The following HCN1 variants were observed in gnomAD, a reference collection of about 807,000 sequenced individuals.
The protein encoded by HCN1 is potassium/sodium hyperpolarization-activated cyclic nucleotide-gated channel 1.
A neutral mutation model predicts 78.9 loss-of-function variants in HCN1; 13 were observed. That is an observed-to-expected ratio of 0.16 (90% CI 0.11 to 0.26). The LOEUF (loss-of-function observed/expected upper bound fraction) is 0.26, where lower values mean the gene tolerates loss of function less well. Ranked by LOEUF, HCN1 falls within the 10% of genes least tolerant of loss-of-function variation. The pLI, the probability that HCN1 is intolerant of heterozygous loss-of-function variation, is 1.00. For synonymous variants in HCN1, 552 were observed against 455.5 expected, an observed-to-expected ratio of 1.21 and a Z score of -2.70; for missense variants, 810 against 1,154.3, an observed-to-expected ratio of 0.70 and a Z score of 4.32.
intron 2 of HCN1, among the ~76,000 whole-genome samples, chr5:45,494,528 A>G (rs1741977948): frequency 1.3e-5 from 2 of 151,528 alleles, no homozygotes; most frequent in African/African-American, 4.9e-5. Flanking sequence ...AGGTTGCGAA[A>G]ATTTTCTCCC....
At chr5:45,560,465 C>A (rs1743574587) in intron 2 of HCN1, among the ~76,000 whole-genome samples, 1 of 152,026 alleles carries the variant, frequency 6.6e-6, no homozygotes, top group South Asian at 2.1e-4. Context: ...TATAAATAGG[C>A]ATTTCATAAG....
At chr5:45,393,281 GA>G (rs1739620739) in intron 4 of HCN1, among the ~76,000 whole-genome samples, 1 of 152,172 alleles carries the variant, frequency 6.6e-6, no homozygotes, top group African/African-American at 2.4e-5. Context: ...TGCAGAGGAA[GA>G]AGTGAACACA....
chr5:45,464,690 C>T (rs940549411), intron 2 of HCN1, among the ~76,000 whole-genome samples: 3 of 151,914 alleles, frequency 2.0e-5, no homozygotes, highest in Admixed American at 6.6e-5. Context: ...GTGATGAATA[C>T]GTGAATGTGT....
At chr5:45,578,575 A>G (rs1390369380) in intron 2 of HCN1, among the ~76,000 whole-genome samples, 2 of 152,060 alleles carry the variant, frequency 1.3e-5, no homozygotes, top group African/African-American at 2.4e-5. Context: ...TAGAGATTGC[A>G]TGACTCCTGA....
intron 2 of HCN1, among the ~76,000 whole-genome samples, chr5:45,593,340 TCACACACACACA>T (rs538486679): frequency 5.6e-5 from 7 of 125,528 alleles, no homozygotes; most frequent in African/African-American, 1.9e-4. Context: ...TCTCTCTCTC[TCACACACACACA>T]CACACACACA....
intron 1 of HCN1, among the ~76,000 whole-genome samples, chr5:45,695,358 A>T (rs1739985929): frequency 6.6e-6 from 1 of 152,062 alleles, no homozygotes; most frequent in African/African-American, 2.4e-5. Context: ...TTTCCCTTGT[A>T]CAACTTCGCC....
chr5:45,407,853 G>C (rs1354593816), intron 3 of HCN1, among the ~76,000 whole-genome samples: 1 of 152,112 alleles, frequency 6.6e-6, no homozygotes, highest in Non-Finnish European at 1.5e-5. Context: ...CATTTTGCAT[G>C]CTACTGCTCC....
intron 2 of HCN1, among the ~76,000 whole-genome samples, chr5:45,528,090 G>A (rs1263478814): frequency 2.0e-5 from 3 of 151,698 alleles, no homozygotes; most frequent in Non-Finnish European, 4.4e-5. Context: ...GTAAATTTAG[G>A]GTAAGCAATG....
intron 2 of HCN1, among the ~76,000 whole-genome samples, chr5:45,481,025 T>C (rs1156597471): frequency 6.6e-6 from 1 of 152,206 alleles, no homozygotes; most frequent in East Asian, 1.9e-4. Flanking sequence ...ATAATGTTTG[T>C]TTCATGGCAG....
At chr5:45,567,173 T>G (rs536249140) in intron 2 of HCN1, among the ~76,000 whole-genome samples, 1 of 152,252 alleles carries the variant, frequency 6.6e-6, no homozygotes, top group Non-Finnish European at 1.5e-5. Flanking sequence ...ATCAATTGAA[T>G]GGAAATTTAT....
intron 2 of HCN1, among the ~76,000 whole-genome samples, chr5:45,587,070 G>C (rs111702678): frequency 1.3e-4 from 20 of 152,282 alleles, no homozygotes; most frequent in African/African-American, 4.3e-4. Flanking sequence ...AGAGGATGTG[G>C]AGAACAAGGA....
chr5:45,602,083 G>T (rs1744636204), intron 2 of HCN1, among the ~76,000 whole-genome samples: 1 of 152,054 alleles, frequency 6.6e-6, no homozygotes, highest in South Asian at 2.1e-4. Flanking sequence ...CCTGTGAAGA[G>T]GTGCCTTCTG....
At chr5:45,470,897 G>T (rs1165037351) in intron 2 of HCN1, among the ~76,000 whole-genome samples, 4 of 151,836 alleles carry the variant, frequency 2.6e-5, no homozygotes, top group Admixed American at 2.6e-4. Flanking sequence ...ACCTACTGGA[G>T]AGCTATCATA....
At chr5:45,443,550 C>A (rs934052110) in intron 3 of HCN1, among the ~76,000 whole-genome samples, 1 of 152,002 alleles carries the variant, frequency 6.6e-6, no homozygotes, top group Non-Finnish European at 1.5e-5. Context: ...CATCCATTAT[C>A]TCTATATAGA....
intron 1 of HCN1, among the ~76,000 whole-genome samples, chr5:45,656,796 A>G (rs1674013794): frequency 1.3e-5 from 2 of 152,166 alleles, no homozygotes; most frequent in African/African-American, 2.4e-5. Context: ...TTTTTCCTTC[A>G]AAATGATTTT....
intron 2 of HCN1, among the ~76,000 whole-genome samples, chr5:45,537,403 T>G (rs201246646): frequency 0.066 from 1,068 of 16,216 alleles, 13 homozygotes; most frequent in Middle Eastern, 0.17. Flanking sequence ...TTTTTTTTTG[T>G]TTTTTTTTAA....
intron 1 of HCN1, among the ~76,000 whole-genome samples, chr5:45,658,220 C>T (rs1745816883): frequency 6.6e-6 from 1 of 152,170 alleles, no homozygotes. Context: ...TTCCTTACAC[C>T]TTACACAAAA....
At chr5:45,293,559 A>G (rs1164679468) in intron 6 of HCN1, among the ~76,000 whole-genome samples, 5 of 152,052 alleles carry the variant, frequency 3.3e-5, no homozygotes, top group Non-Finnish European at 7.4e-5. Context: ...GCACAGGAAT[A>G]TAGGAGGACC....
At chr5:45,446,006 T>C (rs1472612914) in intron 3 of HCN1, among the ~76,000 whole-genome samples, 2 of 152,158 alleles carry the variant, frequency 1.3e-5, no homozygotes, top group African/African-American at 4.8e-5. Context: ...GGAACGCAGT[T>C]CCTCACCAGC....
Sources: allele counts gnomAD v4.1 joint callset (sites outside exome capture counted in the v4.1 genomes callset), GRCh38; gene constraint gnomAD v4.1.1; transcripts MANE v1.5; gene names NCBI Gene and HGNC (gene_info 2026-07-23, HGNC 2026-07-21).